Variants in SUMF1 observed in about 807,000 individuals in gnomAD.
SUMF1 encodes formylglycine-generating enzyme.
SUMF1 carries 48 observed loss-of-function variants against 47.6 expected under a neutral mutation model. The observed-to-expected ratio is 1.01, with a 90% CI of 0.80 to 1.28. SUMF1 has a LOEUF of 1.28. Ranked by LOEUF, SUMF1 falls within the 50% of genes most tolerant of loss-of-function variation. The pLI, the probability that SUMF1 is intolerant of heterozygous loss-of-function variation, is 0.00. For synonymous variants in SUMF1, 230 were observed against 192.1 expected (o/e 1.20, Z -1.63); for missense variants, 571 against 485.4 (o/e 1.18, Z -1.66).
At chr3:4,188,424 T>C (rs889807954) in intron 8 of SUMF1, among the ~76,000 whole-genome samples, 1 of 152,040 alleles carries the variant, frequency 6.6e-6, no homozygotes, top group Non-Finnish European at 1.5e-5. Flanking sequence ...ATTTTCACTG[T>C]CCTAAAAATC....
intron 8 of SUMF1, among the ~76,000 whole-genome samples, chr3:4,250,624 T>C (rs985863261): frequency 2.0e-5 from 3 of 152,144 alleles, no homozygotes; most frequent in East Asian, 1.9e-4. Flanking sequence ...CTTCAAAGAA[T>C]AGGCAGACTC....
At chr3:4,049,082 A>G (rs912583540) in intron 9 of SUMF1, among the ~76,000 whole-genome samples, 11 of 152,176 alleles carry the variant, frequency 7.2e-5, no homozygotes, top group African/African-American at 2.2e-4. Context: ...AAAGTGTATC[A>G]GTCAAAATAA....
chr3:4,261,033 A>G (rs1257867828), intron 8 of SUMF1, among the ~76,000 whole-genome samples: 1 of 152,216 alleles, frequency 6.6e-6, no homozygotes, highest in African/African-American at 2.4e-5. Context: ...TAGATGTGTG[A>G]TAAGTTGTTA....
At chr3:4,181,623 T>A (rs1695097396) in intron 8 of SUMF1, among the ~76,000 whole-genome samples, 1 of 152,068 alleles carries the variant, frequency 6.6e-6, no homozygotes, top group Non-Finnish European at 1.5e-5. Flanking sequence ...GAGTTCCATG[T>A]TTCCTTCCAA....
chr3:4,055,031 C>T (rs1020617647), intron 9 of SUMF1, among the ~76,000 whole-genome samples: 4 of 152,122 alleles, frequency 2.6e-5, no homozygotes, highest in Admixed American at 6.6e-5. Flanking sequence ...AACCAACAGG[C>T]TGGATGACTT....
intron 8 of SUMF1, among the ~76,000 whole-genome samples, chr3:4,248,356 A>G (rs1260000470): frequency 6.6e-6 from 1 of 152,198 alleles, no homozygotes; most frequent in African/African-American, 2.4e-5. Flanking sequence ...TGAATTCCAG[A>G]AGCTTTGCTG....
intron 8 of SUMF1, among the ~76,000 whole-genome samples, chr3:4,180,346 A>G (rs1237939231): frequency 6.6e-6 from 1 of 152,188 alleles, no homozygotes; most frequent in Non-Finnish European, 1.5e-5. Flanking sequence ...CATATACACC[A>G]TGGCATACTA....
chr3:4,196,236 C>T (rs1695426398), intron 8 of SUMF1, among the ~76,000 whole-genome samples: 1 of 152,050 alleles, frequency 6.6e-6, no homozygotes, highest in Non-Finnish European at 1.5e-5. Flanking sequence ...CCAGGTTTTG[C>T]AACTCCAATC....
chr3:4,231,145 C>T (rs1327791851), intron 8 of SUMF1, among the ~76,000 whole-genome samples: 1 of 152,112 alleles, frequency 6.6e-6, no homozygotes. Context: ...CTGGAACTGA[C>T]TACAGAGCTG....
chr3:4,319,702 C>T (rs1272354759), intron 8 of SUMF1, among the ~76,000 whole-genome samples: 1 of 152,214 alleles, frequency 6.6e-6, no homozygotes, highest in African/African-American at 2.4e-5. Flanking sequence ...CACATAAAAA[C>T]AGCACACACG....
intron 8 of SUMF1, among the ~76,000 whole-genome samples, chr3:4,091,102 A>AC (rs1559462724): frequency 6.6e-6 from 1 of 151,942 alleles, no homozygotes; most frequent in East Asian, 1.9e-4. Context: ...ACAACAAAAA[A>AC]AAAAACAAAA....
intron 8 of SUMF1, among the ~76,000 whole-genome samples, chr3:4,349,416 G>A (rs192505365): frequency 2.0e-5 from 3 of 152,310 alleles, no homozygotes; most frequent in Admixed American, 2.0e-4. Flanking sequence ...CATTGTGGAA[G>A]ACAGTATGGT....
At chr3:4,392,793 C>T (rs1262505313) in intron 7 of SUMF1, among the ~76,000 whole-genome samples, 1 of 151,808 alleles carries the variant, frequency 6.6e-6, no homozygotes, top group African/African-American at 2.4e-5. Flanking sequence ...TGTAGAATCT[C>T]ATTCCCCATG....
intron 8 of SUMF1, among the ~76,000 whole-genome samples, chr3:4,233,671 G>C (rs1239664737): frequency 6.6e-6 from 1 of 152,146 alleles, no homozygotes; most frequent in Non-Finnish European, 1.5e-5. Context: ...AGTCATGAAA[G>C]ACTGTTTGGG....
intron 7 of SUMF1, among the ~76,000 whole-genome samples, chr3:4,397,522 G>A (rs949205035): frequency 1.3e-5 from 2 of 152,184 alleles, no homozygotes; most frequent in Admixed American, 1.3e-4. Flanking sequence ...AGTTATGAGA[G>A]AATAAAGCAA....
At chr3:4,238,480 G>T (rs912968606) in intron 8 of SUMF1, among the ~76,000 whole-genome samples, 7 of 152,216 alleles carry the variant, frequency 4.6e-5, no homozygotes, top group African/African-American at 1.7e-4. Flanking sequence ...TAACTGGCAT[G>T]AGATGGTATC....
At chr3:4,137,627 A>G (rs1574916703) in intron 8 of SUMF1, among the ~76,000 whole-genome samples, 1 of 152,078 alleles carries the variant, frequency 6.6e-6, no homozygotes, top group East Asian at 1.9e-4. Context: ...ATAATTAAAA[A>G]CAAACAAACA....
intron 8 of SUMF1, among the ~76,000 whole-genome samples, chr3:4,175,812 A>T (rs1694947213): frequency 6.6e-6 from 1 of 152,198 alleles, no homozygotes; most frequent in African/African-American, 2.4e-5. Flanking sequence ...ACAAATGGCT[A>T]ACTAGAATAA....
At chr3:4,040,925 C>A (rs896019309) in intron 9 of SUMF1, among the ~76,000 whole-genome samples, 1 of 152,156 alleles carries the variant, frequency 6.6e-6, no homozygotes, top group African/African-American at 2.4e-5. Flanking sequence ...TCAAGCAAAG[C>A]CAGAACTATG....
Sources: allele counts gnomAD v4.1 joint callset (sites outside exome capture counted in the v4.1 genomes callset), GRCh38; gene constraint gnomAD v4.1.1; transcripts MANE v1.5; gene names NCBI Gene and HGNC (gene_info 2026-07-23, HGNC 2026-07-21).